The following ADGRA1 variants were observed in gnomAD, a reference collection of about 807,000 sequenced individuals.
ADGRA1 encodes the protein G-protein coupled receptor 123.
In ADGRA1, 12 loss-of-function variants were observed where a neutral mutation model predicts 21.3. The observed-to-expected ratio is 0.56, with a 90% CI of 0.36 to 0.91. ADGRA1 has a LOEUF of 0.91. Among genes scored for constraint, ADGRA1 ranks in the 40% least tolerant of loss-of-function variants. The probability of loss-of-function intolerance (pLI) is 0.01; values close to 1 mark genes in which losing one functional copy is unlikely to be tolerated. For synonymous variants in ADGRA1, 385 were observed against 368.8 expected (o/e 1.04, Z -0.50); for missense variants, 790 against 805.6 (o/e 0.98, Z 0.23).
At chr10:133,123,141 T>C (rs1218911514) in intron 5 of ADGRA1, among the ~76,000 whole-genome samples, 1 of 152,204 alleles carries the variant, frequency 6.6e-6, no homozygotes, top group Non-Finnish European at 1.5e-5. Flanking sequence ...GGCTCAGCTC[T>C]AAGCCTGCTA....
chr10:133,112,987 T>C (rs563347461), intron 5 of ADGRA1, among the ~76,000 whole-genome samples: 2 of 147,346 alleles, frequency 1.4e-5, no homozygotes, highest in South Asian at 4.4e-4. Context: ...CGTCAGTTAT[T>C]TGGGGTCTAT....
chr10:133,111,893 A>ACCACCTGCCCGCCACGGG (rs1564849546), intron 5 of ADGRA1, among the ~76,000 whole-genome samples: 2 of 17,248 alleles, frequency 1.2e-4, no homozygotes. Context: ...CCCACCACAG[A>ACCACCTGCCCGCCACGGG]CACCTCCCTC....
intron 5 of ADGRA1, among the ~76,000 whole-genome samples, chr10:133,123,099 A>G (rs182868153): frequency 5.0e-4 from 76 of 152,292 alleles, no homozygotes; most frequent in African/African-American, 1.7e-3. Flanking sequence ...CCGAGGGCTC[A>G]GGTGGTCTGC....
chr10:133,108,643 C>G (rs1019079815), intron 5 of ADGRA1, among the ~76,000 whole-genome samples: 24 of 152,280 alleles, frequency 1.6e-4, no homozygotes, highest in African/African-American at 5.8e-4. Context: ...AGACACTAGA[C>G]TCTGTTGCAA....
intron 5 of ADGRA1, among the ~76,000 whole-genome samples, chr10:133,111,224 CCT>C (rs1851993552): frequency 7.5e-6 from 1 of 133,364 alleles, no homozygotes; most frequent in Non-Finnish European, 1.6e-5. Flanking sequence ...ACCACAGGCA[CCT>C]CCCTCCTAAT....
At chr10:133,093,048 C>T (rs776828848) in intron 2 of ADGRA1, 4 of 1,595,906 alleles carry the variant, frequency 2.5e-6, no homozygotes, top group South Asian at 2.2e-5. Context: ...CCCCGGACAC[C>T]TCACTGTGTA....
At chr10:133,111,282 A>C (rs12776097) in intron 5 of ADGRA1, among the ~76,000 whole-genome samples, 5 of 30,348 alleles carry the variant, frequency 1.6e-4, no homozygotes, top group African/African-American at 2.7e-4. Context: ...TCCTAATCCC[A>C]CCAGACAACC....
intron 5 of ADGRA1, among the ~76,000 whole-genome samples, chr10:133,110,832 T>G (rs1851975140): frequency 6.6e-6 from 1 of 152,160 alleles, no homozygotes; most frequent in Admixed American, 6.5e-5. Context: ...CTCTTCCCCT[T>G]CCTTGTCTTT....
At chr10:133,095,117 C>T (rs938401895) in intron 2 of ADGRA1, among the ~76,000 whole-genome samples, 13 of 152,188 alleles carry the variant, frequency 8.5e-5, no homozygotes, top group Non-Finnish European at 1.9e-4. Context: ...CCACAGTTGG[C>T]CGGGCTGTCC....
intron 3 of ADGRA1, among the ~76,000 whole-genome samples, chr10:133,098,257 C>G (rs1851723558): frequency 6.6e-6 from 1 of 152,202 alleles, no homozygotes; most frequent in Non-Finnish European, 1.5e-5. Context: ...CCTGATGTGC[C>G]AGACACCTGC....
chr10:133,095,771 C>T lies in ADGRA1; in HGVS notation c.4-1203C>T, dbSNP rs1160139407. ...TCTCGGGCCCGCTGGCTGCCTGCAT[C>T]CCGACACAGGTGACACTGCCTCTGC... On this transcript the variant is annotated intron_variant, in intron 2 of 6. Transcript: ENST00000392607. The T allele has an allele frequency of 3.8e-6, 6 of 1,598,648 alleles. No homozygotes were observed. In the East Asian group the frequency reaches 8.9e-5, roughly 24 times the overall value.
At chr10:133,099,641 C>G (rs561312785) in intron 4 of ADGRA1, among the ~76,000 whole-genome samples, 1 of 152,332 alleles carries the variant, frequency 6.6e-6, no homozygotes, top group Non-Finnish European at 1.5e-5. Flanking sequence ...CTGTCCTCCT[C>G]CACTTTGGGC....
intron 5 of ADGRA1, among the ~76,000 whole-genome samples, chr10:133,121,900 A>T (rs1852274005): frequency 8.4e-6 from 1 of 118,996 alleles, no homozygotes; most frequent in Non-Finnish European, 1.7e-5. Flanking sequence ...GCGTGCGTGC[A>T]AGTGTGAGTG....
intron 2 of ADGRA1, among the ~76,000 whole-genome samples, chr10:133,095,492 C>G (rs113763052): frequency 0.014 from 2,103 of 152,364 alleles, 18 homozygotes; most frequent in African/African-American, 0.021. Flanking sequence ...CACAGCGACG[C>G]CCGCTCCTCT....
At chr10:133,088,490 A>G (rs946258263) in intron 1 of ADGRA1, 2 of 182,574 alleles carry the variant, frequency 1.1e-5, no homozygotes, top group East Asian at 1.4e-4. Flanking sequence ...ATTTTTAAAT[A>G]TGGAGAAGGA....
chr10:133,113,749 G>C (rs372236128), intron 5 of ADGRA1, among the ~76,000 whole-genome samples: 79 of 152,174 alleles, frequency 5.2e-4, no homozygotes, highest in African/African-American at 1.6e-3. Context: ...GGGCAAGGAT[G>C]GGGGTGGGTG....
chr10:133,124,859 C>T (rs1359250883), intron 5 of ADGRA1, among the ~76,000 whole-genome samples: 1 of 150,544 alleles, frequency 6.6e-6, no homozygotes, highest in Non-Finnish European at 1.5e-5. Flanking sequence ...CCCGGCCCCG[C>T]GCCTGCACGT....
At chr10:133,094,276 T>C (rs1851650845) in intron 2 of ADGRA1, among the ~76,000 whole-genome samples, 3 of 152,218 alleles carry the variant, frequency 2.0e-5, no homozygotes, top group Admixed American at 1.3e-4. Flanking sequence ...GCAGCTCTGA[T>C]TGGGCTTAAC....
chr10:133,104,842 T>C lies in ADGRA1; in HGVS notation c.401+2000T>C, dbSNP rs1207573703. ...CTTGGGCTTTGCCGAGGGCCTGCCC[T>C]CTCCGTGGCTGGGCCTGGGGCTGCT... is the stretch of plus-strand genomic sequence containing the variant. On this transcript the variant is annotated intron_variant, in intron 5 of 6. Transcript: ENST00000392607. Among the ~76,000 whole-genome samples, 3 of 152,008 alleles carry C rather than the reference T, an allele frequency of 2.0e-5. No individual in the cohort carries two copies. In the East Asian group the frequency reaches 5.8e-4, roughly 29 times the overall value.
Sources: gnomAD v4.1 joint callset for allele counts (sites outside exome capture counted in the v4.1 genomes callset) on GRCh38, gnomAD v4.1.1 for gene constraint, MANE v1.5 for transcripts, NCBI Gene and HGNC (gene_info 2026-07-23, HGNC 2026-07-21) for gene names.